TENM3: variants seen among roughly 807,000 people sequenced by gnomAD.
TENM3 encodes teneurin-3.
TENM3 carries 63 observed loss-of-function variants against 255.1 expected under a neutral mutation model. The observed-to-expected ratio is 0.25, with a 90% CI of 0.20 to 0.30. The LOEUF (loss-of-function observed/expected upper bound fraction) is 0.30, where lower values mean the gene tolerates loss of function less well. Ranked by LOEUF, TENM3 falls within the 10% of genes least tolerant of loss-of-function variation. The pLI is 1.00. For missense variants in TENM3, 2,929 were observed against 3,461.1 expected (o/e 0.85, Z 3.86); for synonymous variants, 1,306 against 1,322.3 (o/e 0.99, Z 0.27).
At chr4:182,468,870 G>A (rs1732853835) in intron 3 of TENM3, among the ~76,000 whole-genome samples, 1 of 133,534 alleles carries the variant, frequency 7.5e-6, no homozygotes, top group African/African-American at 2.8e-5. Context: ...GTGTGTGTGT[G>A]TATGTGCATG....
At chr4:181,914,126 TTTGG>T in the TENM3 span, among the ~76,000 whole-genome samples, 1 of 152,224 alleles carries the variant, frequency 6.6e-6, no homozygotes, top group African/African-American at 2.4e-5. Flanking sequence ...ATATCACTCC[TTTGG>T]TTAAAATGTT....
At chr4:181,648,551 T>A in the TENM3 span, among the ~76,000 whole-genome samples, 1 of 152,202 alleles carries the variant, frequency 6.6e-6, no homozygotes, top group Admixed American at 6.5e-5. Flanking sequence ...AGAAACTGGG[T>A]TTGCATTTTG....
At chr4:181,550,726 C>T in the TENM3 span, among the ~76,000 whole-genome samples, 26 of 152,248 alleles carry the variant, frequency 1.7e-4, no homozygotes, top group East Asian at 2.5e-3. Flanking sequence ...ATACATTCCT[C>T]AGAATTTCTC....
chr4:181,848,796 G>A, the TENM3 span, among the ~76,000 whole-genome samples: 1 of 152,088 alleles, frequency 6.6e-6, no homozygotes, highest in Non-Finnish European at 1.5e-5. Flanking sequence ...GATGAATCAG[G>A]CTCAGCCCAG....
the TENM3 span, among the ~76,000 whole-genome samples, chr4:181,833,324 C>T: frequency 6.6e-6 from 1 of 152,098 alleles, no homozygotes; most frequent in Non-Finnish European, 1.5e-5. Context: ...TCCTCTTCAT[C>T]CATACAGTCA....
intron 3 of TENM3, among the ~76,000 whole-genome samples, chr4:182,412,976 G>C (rs1770102666): frequency 6.6e-6 from 1 of 151,608 alleles, no homozygotes; most frequent in Non-Finnish European, 1.5e-5. Flanking sequence ...AAAAACAATA[G>C]ATAAAATAAA....
intron 1 of TENM3, among the ~76,000 whole-genome samples, chr4:182,156,157 C>T (rs1022826103): frequency 2.0e-5 from 3 of 151,482 alleles, no homozygotes; most frequent in Non-Finnish European, 4.4e-5. Context: ...TATTAGTTTT[C>T]GAGTCATTAT....
chr4:182,314,462 G>A (rs61474137), intron 1 of TENM3, among the ~76,000 whole-genome samples: 214 of 152,330 alleles, frequency 1.4e-3, no homozygotes, highest in African/African-American at 4.7e-3. Context: ...ACAATTTCAT[G>A]TCTATACATA....
chr4:181,573,799 A>G, the TENM3 span, among the ~76,000 whole-genome samples: 2 of 152,212 alleles, frequency 1.3e-5, no homozygotes, highest in Non-Finnish European at 2.9e-5. Context: ...AAAACAGATA[A>G]GCATTAAAAT....
At chr4:182,069,949 T>G in the TENM3 span, among the ~76,000 whole-genome samples, 2 of 152,160 alleles carry the variant, frequency 1.3e-5, no homozygotes, top group Non-Finnish European at 2.9e-5. Context: ...GACATCAAAC[T>G]GGGATGTCAG....
At chr4:182,523,374 T>C (rs1298701283) in intron 3 of TENM3, among the ~76,000 whole-genome samples, 1 of 152,164 alleles carries the variant, frequency 6.6e-6, no homozygotes, top group East Asian at 1.9e-4. Context: ...TGTCAACCAA[T>C]TAATTATGTC....
At chr4:181,694,408 A>G in the TENM3 span, among the ~76,000 whole-genome samples, 1 of 152,212 alleles carries the variant, frequency 6.6e-6, no homozygotes. Context: ...GGATAAAGGG[A>G]TAAATAAAAA....
chr4:182,749,380 GT>G (rs547449072), intron 19 of TENM3, among the ~76,000 whole-genome samples: 284 of 152,066 alleles, frequency 1.9e-3, no homozygotes, highest in African/African-American at 6.4e-3. Flanking sequence ...AACCTAATCA[GT>G]TTTTTTCTTT....
chr4:182,709,470 T>C (rs1758589241), intron 12 of TENM3, among the ~76,000 whole-genome samples: 1 of 152,222 alleles, frequency 6.6e-6, no homozygotes, highest in African/African-American at 2.4e-5. Context: ...CAGCAATTGT[T>C]AGGTACATTA....
the TENM3 span, among the ~76,000 whole-genome samples, chr4:181,460,138 C>A: frequency 5.3e-5 from 8 of 151,938 alleles, no homozygotes; most frequent in African/African-American, 1.9e-4. Context: ...CATAGAAATA[C>A]AATTGACATT....
At chr4:181,738,230 A>G in the TENM3 span, among the ~76,000 whole-genome samples, 1 of 152,196 alleles carries the variant, frequency 6.6e-6, no homozygotes, top group African/African-American at 2.4e-5. Context: ...CATGTCAAGT[A>G]TGCTAGTTAG....
chr4:182,367,917 A>G (rs1766539917), intron 3 of TENM3, among the ~76,000 whole-genome samples: 1 of 152,192 alleles, frequency 6.6e-6, no homozygotes, highest in Non-Finnish European at 1.5e-5. Context: ...TTCATAAGTC[A>G]TTTCTTAGAA....
At chr4:181,933,118 C>A in the TENM3 span, among the ~76,000 whole-genome samples, 2 of 152,216 alleles carry the variant, frequency 1.3e-5, no homozygotes, top group African/African-American at 2.4e-5. Flanking sequence ...ACCTATATAA[C>A]AAACCTGCAC....
At chr4:182,319,770 AT>A (rs1762939435) in intron 1 of TENM3, among the ~76,000 whole-genome samples, 1 of 152,202 alleles carries the variant, frequency 6.6e-6, no homozygotes, top group East Asian at 1.9e-4. Context: ...AGATTATAAA[AT>A]GGTATCATGA....
Sources: gnomAD v4.1 joint callset for allele counts (sites outside exome capture counted in the v4.1 genomes callset) on GRCh38, gnomAD v4.1.1 for gene constraint, MANE v1.5 for transcripts, NCBI Gene and HGNC (gene_info 2026-07-23, HGNC 2026-07-21) for gene names.